TANC1: variants seen among roughly 807,000 people sequenced by gnomAD.
The protein encoded by TANC1 is protein TANC1.
In TANC1, 77 loss-of-function variants were observed where a neutral mutation model predicts 149.7. That is an observed-to-expected ratio of 0.51 (90% CI 0.43 to 0.62). TANC1 has a LOEUF of 0.62. TANC1 is among the 20% of genes least tolerant of loss of function. TANC1 has a pLI of 0.00. For missense variants in TANC1, 1,985 were observed against 2,321.8 expected (o/e 0.85, Z 2.98); for synonymous variants, 854 against 925.0 (o/e 0.92, Z 1.39).
intron 4 of TANC1, among the ~76,000 whole-genome samples, 161 bp downstream of exon 4, chr2:159,097,995 A>G (rs1246582353): frequency 2.6e-5 from 4 of 152,044 alleles, no homozygotes; most frequent in Non-Finnish European, 5.9e-5. Flanking sequence ...ATTTAAGGAA[A>G]AAGTATGGTT....
At chr2:159,221,445 ACTC>A (rs910561584) in intron 22 of TANC1, among the ~76,000 whole-genome samples, 83 of 151,906 alleles carry the variant, frequency 5.5e-4, no homozygotes, top group African/African-American at 1.9e-3. Flanking sequence ...ACCAGAAGTT[ACTC>A]CTCCTGTCTA....
chr2:159,179,892 C>A (rs4664270), intron 14 of TANC1, among the ~76,000 whole-genome samples: 2 of 152,110 alleles, frequency 1.3e-5, no homozygotes, highest in East Asian at 1.9e-4. Flanking sequence ...TGGCAAGCCC[C>A]CAACTTCCAC....
chr2:159,010,158 G>C (rs1302118776), intron 2 of TANC1, among the ~76,000 whole-genome samples: 1 of 152,162 alleles, frequency 6.6e-6, no homozygotes, highest in African/African-American at 2.4e-5. Flanking sequence ...TAGGGAGCTA[G>C]TCTGGCAGTA....
chr2:159,049,502 C>T (rs2041316110), intron 2 of TANC1, among the ~76,000 whole-genome samples: 1 of 152,150 alleles, frequency 6.6e-6, no homozygotes, highest in Non-Finnish European at 1.5e-5. Context: ...TACCCCAGAC[C>T]TAAAGAACCG....
At chr2:159,217,348 G>T (rs2059411992) in intron 19 of TANC1, 149 bp from the exon 20 acceptor site, 14 of 987,622 alleles carry the variant, frequency 1.4e-5, no homozygotes, top group Non-Finnish European at 2.1e-5. Context: ...TGTTCTGTTG[G>T]TCAAAGCTGT....
chr2:159,225,721 C>G lies in TANC1; in HGVS notation c.3845C>G (p.Pro1282Arg). The G allele has an allele frequency of 6.2e-7, 1 of 1,614,164 alleles. No homozygotes were observed. Among genetic ancestry groups the G allele is most frequent in the South Asian group, 1.1e-5 (1 of 91,084 alleles). ...NAAWAMATSK[P>R]DILIILLQKL... ...GCTTGGGCGATGGCCACTTCCAAAC[C>G]TGATATCTTGATTATACTTTTACAG... The change falls in exon 24 of 27, where the codon CCT (proline) becomes CGT (arginine). Residue 1282 changes from proline (P) to arginine (R), a missense_variant. Pro to Arg is a moderately radical substitution (Grantham distance 103, BLOSUM62 -2). This residue lies in a region of TANC1 where 920 missense variants were observed against 994.7 expected (regional missense o/e 0.92). Transcript: ENST00000263635.
intron 19 of TANC1, among the ~76,000 whole-genome samples, chr2:159,217,026 G>A (rs753610814): frequency 2.2e-4 from 33 of 152,176 alleles, no homozygotes; most frequent in East Asian, 5.8e-4. Context: ...AGTTTAGGCC[G>A]GGCATGGTGG....
At position 159,001,567 on chromosome 2, in the gene TANC1, A is replaced by G. The variant is rs185551412; in HGVS notation, c.-16+378A>G. On this transcript the variant is annotated intron_variant, in intron 2 of 26. Transcript: ENST00000263635. This position sits in a 1 kb window ranked among gnomAD's most constrained non-coding sequence, Gnocchi z 4.3. Reference sequence around the variant, plus strand: ...TAAAAACGTGGTGGAGGGAGGGAGTAATAATCACTACCATTTATGAAACCC... The same window carrying G: ...TAAAAACGTGGTGGAGGGAGGGAGTGATAATCACTACCATTTATGAAACCC... 6.6e-6 allele frequency among the ~76,000 whole-genome samples: 1 copy of G among 152,296 alleles called. No homozygotes were observed. The highest frequency in any genetic ancestry group is 1.9e-4 in the East Asian group (1 of 5,184).
At position 159,150,408 on chromosome 2, in the gene TANC1, A is replaced by G. The variant is rs761235786; in HGVS notation, c.534A>G (p.Thr178=). The G allele has an allele frequency of 1.1e-4, 179 of 1,614,034 alleles. No homozygotes were observed. The highest frequency in any genetic ancestry group is 1.5e-4 in the Non-Finnish European group (172 of 1,180,016). The change falls in exon 7 of 27, where the codon ACA becomes ACG. Residue 178 remains threonine (T), a synonymous_variant. Coordinates refer to ENST00000263635, the MANE Select transcript of TANC1 (RefSeq NM_033394.3). ...GTCAAGGCATCAGTCCTTGCTCCACACTAACAAGCAGCACCGCATCTCCTA... is the reference window on the plus strand; with the variant it reads ...GTCAAGGCATCAGTCCTTGCTCCACGCTAACAAGCAGCACCGCATCTCCTA... ...ALSQGISPCS[T]LTSSTASPST...
chr2:159,065,443 G>T (rs746196752), intron 2 of TANC1, among the ~76,000 whole-genome samples: 2 of 152,106 alleles, frequency 1.3e-5, no homozygotes, highest in Non-Finnish European at 2.9e-5. Flanking sequence ...TGTTTTCCTT[G>T]TGATTATATA....
intron 5 of TANC1, among the ~76,000 whole-genome samples, chr2:159,141,315 C>T (rs1024917863): frequency 3.9e-5 from 6 of 152,116 alleles, no homozygotes; most frequent in Non-Finnish European, 5.9e-5. Flanking sequence ...GACTATAGTA[C>T]GTGGCAACAG....
At chr2:159,129,433 T>C (rs967665031) in intron 4 of TANC1, among the ~76,000 whole-genome samples, 1 of 152,190 alleles carries the variant, frequency 6.6e-6, no homozygotes, top group Non-Finnish European at 1.5e-5. Context: ...GGCAGAATTC[T>C]GAATGGGGAG....
At chr2:159,175,217 C>G (rs1259184285) in intron 12 of TANC1, 33 bp downstream of exon 12, 2 of 1,564,722 alleles carry the variant, frequency 1.3e-6, no homozygotes, top group Non-Finnish European at 8.8e-7. Flanking sequence ...AGCCCCATCT[C>G]AGTAGTGGTA....
At chr2:159,121,628 C>T (rs555030882) in intron 4 of TANC1, among the ~76,000 whole-genome samples, 22 of 152,220 alleles carry the variant, frequency 1.4e-4, no homozygotes, top group African/African-American at 4.8e-4. Context: ...CCAGCAGTTA[C>T]GAGAAAGGCA....
intron 19 of TANC1, among the ~76,000 whole-genome samples, chr2:159,208,589 C>T (rs750813685): frequency 6.6e-5 from 10 of 152,150 alleles, no homozygotes; most frequent in African/African-American, 7.2e-5. Flanking sequence ...TCATGTCTGT[C>T]GGCAGAGGGA....
intron 17 of TANC1, among the ~76,000 whole-genome samples, chr2:159,195,129 T>G (rs2057752487): frequency 6.6e-6 from 1 of 152,170 alleles, no homozygotes; most frequent in Non-Finnish European, 1.5e-5. Context: ...GCGATCAACT[T>G]TTTTTTCTGT....
At chr2:159,004,162 G>A in intron 2 of TANC1, 1 of 1,612,278 alleles carries the variant, frequency 6.2e-7, no homozygotes, top group Non-Finnish European at 8.5e-7. Flanking sequence ...AGTCAGCTTG[G>A]TGCTGACAGT....
At chr2:159,050,273 TA>T (rs562658290) in intron 2 of TANC1, among the ~76,000 whole-genome samples, 15 of 151,952 alleles carry the variant, frequency 9.9e-5, no homozygotes, top group African/African-American at 2.7e-4. Context: ...CCCAGCTAAT[TA>T]AAAAAAAATT....
At chr2:159,140,686 A>ATTTTTTT (rs375936311) in intron 5 of TANC1, among the ~76,000 whole-genome samples, 6 of 109,800 alleles carry the variant, frequency 5.5e-5, no homozygotes, top group East Asian at 2.6e-4. Context: ...GAGATTCTCT[A>ATTTTTTT]TTTTTTTTTT....
Sources: gnomAD v4.1 joint callset for allele counts (sites outside exome capture counted in the v4.1 genomes callset) on GRCh38, gnomAD v4.1.1 for gene constraint, gnomAD v4.1.1 regional missense constraint, Gnocchi (gnomAD v3.1) non-coding constraint, MANE v1.5 for transcripts, NCBI Gene and HGNC (gene_info 2026-07-23, HGNC 2026-07-21) for gene names.